Variants in GALNS observed in about 807,000 individuals in gnomAD.
GALNS encodes galactosamine (N-acetyl)-6-sulfatase.
Under a neutral mutation model 65.9 loss-of-function variants are expected in GALNS, and 65 were observed. That is an observed-to-expected ratio of 0.99 (90% confidence interval 0.81 to 1.21). The LOEUF is 1.21. Among genes scored for constraint, GALNS ranks in the 50% most tolerant of loss-of-function variants. GALNS has a pLI of 0.00. For synonymous variants in GALNS, 346 were observed against 288.9 expected (o/e 1.20, Z -2.00); for missense variants, 776 against 700.7 (o/e 1.11, Z -1.21).
intron 4 of GALNS, among the ~76,000 whole-genome samples, chr16:88,839,585 C>A (rs961160521): frequency 2.0e-5 from 3 of 152,252 alleles, no homozygotes; most frequent in African/African-American, 7.2e-5. Flanking sequence ...AAGTCTGAGT[C>A]ATGGCTGACA....
chr16:88,856,582 C>G, intron 1 of GALNS, 176 bp downstream of exon 1: 1 of 337,120 alleles, frequency 3.0e-6, no homozygotes, highest in Non-Finnish European at 5.6e-6. Context: ...CACGGGGATA[C>G]CCCCCGTCCC....
chr16:88,835,761 G>A lies in GALNS; in HGVS notation c.722C>T (p.Ala241Val). Reference sequence around the variant, plus strand: ...ACTGGTGCCCAAGAAGGGTTTGGAGGCATAGACGGGTGCGTGCGTGGCGTC... The same window carrying A: ...ACTGGTGCCCAAGAAGGGTTTGGAGACATAGACGGGTGCGTGCGTGGCGTC... ...AVDATHAPVY[A>V]SKPFLGTSQR... Residue 241 changes from alanine (A) to valine (V), a missense_variant, in exon 7 of 14, where the codon GCC becomes GTC. Physicochemically the swap from Ala to Val is moderately conservative, Grantham distance 64. Transcript: ENST00000268695. The A allele has an allele frequency of 6.2e-7, 1 of 1,614,136 alleles. No individual in the cohort carries two copies. Among genetic ancestry groups the A allele is most frequent in the South Asian group, 1.1e-5 (1 of 91,084 alleles).
rs140400244 is a variant in GALNS, at chr16:88,821,046, C to T, written c.1364+1543G>A. Among the ~76,000 whole-genome samples the T allele has an allele frequency of 6.8e-4, 104 of 152,302 alleles. 1 individual carries two copies. The East Asian group carries it at 0.017, about 24-fold the overall frequency. On this transcript the variant is annotated intron_variant, in intron 12 of 13. Coordinates refer to ENST00000268695, the MANE Select transcript of GALNS (RefSeq NM_000512.5). ...AAGCTCCAGGCCCCCCATGGTTTCA[C>T]GGGTCTCACCCCCATGGGTGATCAC...
At chr16:88,836,703 A>ACAACCAAG (rs1912179401) in intron 5 of GALNS, among the ~76,000 whole-genome samples, 1 of 151,720 alleles carries the variant, frequency 6.6e-6, no homozygotes, top group African/African-American at 2.4e-5. Flanking sequence ...CACTCAGGGA[A>ACAACCAAG]CAACCAAGCT....
chr16:88,856,155 C>A (rs1328076097), intron 1 of GALNS: 1 of 702,722 alleles, frequency 1.4e-6, no homozygotes, highest in African/African-American at 1.7e-5. Context: ...CGCACTTGCC[C>A]ACCAGGAGAC....
At chr16:88,841,419 G>T (rs958788933) in intron 3 of GALNS, among the ~76,000 whole-genome samples, 2 of 152,064 alleles carry the variant, frequency 1.3e-5, no homozygotes, top group African/African-American at 2.4e-5. Flanking sequence ...GTCTCCAGGG[G>T]TCTCTGGAAT....
At chr16:88,826,554 G>T in intron 10 of GALNS, 148 bp downstream of exon 10, 1 of 950,646 alleles carries the variant, frequency 1.1e-6, no homozygotes, top group Non-Finnish European at 1.6e-6. Context: ...TCTCGTCTCA[G>T]GCACCCCTGC....
At chr16:88,855,462 G>A (rs569475216) in intron 1 of GALNS, 26 of 702,704 alleles carry the variant, frequency 3.7e-5, no homozygotes, top group Middle Eastern at 2.3e-4. Flanking sequence ...AGAAAGGCCC[G>A]GCTACTGCTG....
chr16:88,834,931 T>G (rs1021210340), intron 8 of GALNS, among the ~76,000 whole-genome samples: 1 of 152,158 alleles, frequency 6.6e-6, no homozygotes, highest in Non-Finnish European at 1.5e-5. Flanking sequence ...GCCTCCGGCC[T>G]CCGGGGTCAC....
At chr16:88,816,197 G>C in intron 13 of GALNS, 1 of 985,478 alleles carries the variant, frequency 1.0e-6, no homozygotes, top group Non-Finnish European at 1.2e-6. Flanking sequence ...GATGGCAGTG[G>C]CAGCCAGGCT....
At chr16:88,841,230 G>A (rs1966955007) in intron 3 of GALNS, 136 bp from the exon 4 acceptor site, 4 of 729,952 alleles carry the variant, frequency 5.5e-6, no homozygotes, top group Non-Finnish European at 9.8e-6. Context: ...GCTGTGCCTG[G>A]GGGCTGCGCG....
intron 12 of GALNS, 21 bp downstream of exon 12, chr16:88,822,568 G>A (rs367969896): frequency 3.1e-6 from 5 of 1,612,202 alleles, no homozygotes; most frequent in Non-Finnish European, 4.2e-6. Context: ...TCAGCAGCCA[G>A]GAGGCCCTGC....
chr16:88,820,713 C>T (rs985836958), intron 12 of GALNS, among the ~76,000 whole-genome samples: 2 of 152,216 alleles, frequency 1.3e-5, no homozygotes, highest in Non-Finnish European at 2.9e-5. Flanking sequence ...GGAGGGGCTC[C>T]AGCAAACGCA....
intron 2 of GALNS, 104 bp downstream of exon 2, chr16:88,842,602 A>C: frequency 7.1e-7 from 1 of 1,415,788 alleles, no homozygotes; most frequent in Non-Finnish European, 9.7e-7. Flanking sequence ...TAGTAGGAAT[A>C]GACAAGGTTG....
At chr16:88,822,855 G>A (rs1365648516) in intron 11 of GALNS, 145 bp from the exon 12 acceptor site, 4 of 1,264,982 alleles carry the variant, frequency 3.2e-6, no homozygotes, top group African/African-American at 1.5e-5. Flanking sequence ...TGGGGGCCGT[G>A]GGGGGGTCTC....
At chr16:88,845,327 G>C (rs950358751) in intron 1 of GALNS, 25 of 152,224 alleles carry the variant, frequency 1.6e-4, no homozygotes, top group African/African-American at 6.0e-4. Flanking sequence ...CTCCAGCCTG[G>C]GCAACAGAGG....
intron 9 of GALNS, among the ~76,000 whole-genome samples, chr16:88,829,102 T>G (rs1467049174): frequency 7.3e-6 from 1 of 137,856 alleles, no homozygotes; most frequent in African/African-American, 2.8e-5. Context: ...AGCTACACAG[T>G]TCCTGAGTCT....
At chr16:88,841,318 G>C (rs762195693) in intron 3 of GALNS, among the ~76,000 whole-genome samples, 4 of 152,158 alleles carry the variant, frequency 2.6e-5, no homozygotes, top group African/African-American at 4.8e-5. Flanking sequence ...GTGGGGACGG[G>C]GCAGACTCCG....
chr16:88,856,787 G>T lies in GALNS; in HGVS notation c.91C>A (p.Pro31Thr). 1 of 1,543,820 alleles carries T rather than the reference G, an allele frequency of 6.5e-7. No homozygotes were observed. The highest frequency in any genetic ancestry group is 1.9e-5 in the Admixed American group (1 of 53,866). The change falls in exon 1 of 14, where the codon CCC (proline) becomes ACC (threonine). Residue 31 changes from proline to threonine, a missense_variant. By Grantham distance (38) the Pro-to-Thr change is conservative. Transcript: ENST00000268695. ...GMGASGAPQP[P>T]NILLLLMDDM... is the part of the protein sequence containing the mutation. ...TCCATGAGCAGGAGCAGGATGTTGGGGGGCTGCGGGGCGCCCGAGGCCCCC... is the reference window on the plus strand; with the variant it reads ...TCCATGAGCAGGAGCAGGATGTTGGTGGGCTGCGGGGCGCCCGAGGCCCCC...
Sources: gnomAD v4.1 joint callset for allele counts (sites outside exome capture counted in the v4.1 genomes callset) on GRCh38, gnomAD v4.1.1 for gene constraint, MANE v1.5 for transcripts, NCBI Gene and HGNC (gene_info 2026-07-23, HGNC 2026-07-21) for gene names.